The following AK9 variants were observed in gnomAD, a reference collection of about 807,000 sequenced individuals.
AK9 encodes adenylate kinase 9, also known as adenylate kinase domain containing 1.
Under a neutral mutation model 239.6 loss-of-function variants are expected in AK9, and 191 were observed. The observed-to-expected ratio is 0.80, with a 90% confidence interval of 0.71 to 0.90. The LOEUF (loss-of-function observed/expected upper bound fraction) is 0.90. Among genes scored for constraint, AK9 ranks in the 40% least tolerant of loss-of-function variants. AK9 has a pLI of 0.00. For missense variants in AK9, 1,995 were observed against 2,214.7 expected, an observed-to-expected ratio of 0.90 and a Z score of 1.99; for synonymous variants, 689 against 721.0, an observed-to-expected ratio of 0.96 and a Z score of 0.71.
chr6:109,612,188 G>A, intron 15 of AK9, 95 bp from the exon 16 acceptor site: 1 of 724,078 alleles, frequency 1.4e-6, no homozygotes, highest in South Asian at 2.1e-5. Flanking sequence ...AGGGAACCAG[G>A]ACTCACATTC....
chr6:109,498,815 A>G (rs1777320592), intron 36 of AK9, among the ~76,000 whole-genome samples: 1 of 152,262 alleles, frequency 6.6e-6, no homozygotes, highest in Non-Finnish European at 1.5e-5. Flanking sequence ...AGGCTGGCCT[A>G]GGCCAACAGC....
Position 109,493,307 on chromosome 6 carries a change from TCA to T in AK9, c.*60_*61del. 6.6e-7 allele frequency: 1 copy of T among 1,526,128 alleles called. No individual in the cohort carries two copies. Among genetic ancestry groups the T allele is most frequent in the South Asian group, 1.2e-5 (1 of 85,716 alleles). The allele number at this position is 1,526,128 out of a possible 1,614,324, so 94.5% of individuals were successfully genotyped here. A position where few individuals can be genotyped will look rare whatever the true frequency, so the allele number is the denominator to read the frequency against. On this transcript the variant is annotated 3_prime_UTR_variant, in exon 41 of 41. Coordinates refer to ENST00000424296, the MANE Select transcript of AK9 (RefSeq NM_001145128.3). ...GGCCCAGATTTTCAATCTACTTCTC[TCA>T]GTTTCCCTCTATCACTTTCAGATAA...
chr6:109,556,294 A>G (rs1284879011), intron 24 of AK9, among the ~76,000 whole-genome samples: 2 of 152,134 alleles, frequency 1.3e-5, no homozygotes, highest in Non-Finnish European at 2.9e-5. Flanking sequence ...CTGGATATGA[A>G]ATTCTGGGTT....
chr6:109,536,424 G>T (rs141456413), intron 27 of AK9, among the ~76,000 whole-genome samples: 2,231 of 152,306 alleles, frequency 0.015, 55 homozygotes, highest in African/African-American at 0.051. Context: ...TGGTGTATAA[G>T]AATGCCTGTG....
At chr6:109,557,426 G>A (rs558726849) in intron 24 of AK9, among the ~76,000 whole-genome samples, 1 of 152,252 alleles carries the variant, frequency 6.6e-6, no homozygotes, top group Non-Finnish European at 1.5e-5. Flanking sequence ...GATCGCTCCT[G>A]TATAGAATGT....
chr6:109,599,398 T>G (rs1791576000), intron 17 of AK9, among the ~76,000 whole-genome samples: 1 of 152,224 alleles, frequency 6.6e-6, no homozygotes, highest in South Asian at 2.1e-4. Context: ...TGTGTGGTAT[T>G]ATTTCTGAGG....
chr6:109,647,681 G>T (rs1241023346), intron 8 of AK9, among the ~76,000 whole-genome samples: 1 of 152,072 alleles, frequency 6.6e-6, no homozygotes, highest in Non-Finnish European at 1.5e-5. Context: ...ACAGATCAAC[G>T]AGACAGAAAG....
intron 1 of AK9, among the ~76,000 whole-genome samples, chr6:109,685,578 G>A (rs188656011): frequency 2.6e-5 from 4 of 152,002 alleles, no homozygotes; most frequent in African/African-American, 4.8e-5. Flanking sequence ...GGGGCCTTTC[G>A]GGGGTGGGGG....
chr6:109,636,415 T>C (rs1337529881), intron 10 of AK9, among the ~76,000 whole-genome samples: 1 of 152,060 alleles, frequency 6.6e-6, no homozygotes, highest in Non-Finnish European at 1.5e-5. Flanking sequence ...ACACATCCCA[T>C]AAAATTTGTT....
At chr6:109,677,232 G>A (rs1057182150) in intron 1 of AK9, among the ~76,000 whole-genome samples, 3 of 151,920 alleles carry the variant, frequency 2.0e-5, no homozygotes, top group Non-Finnish European at 2.9e-5. Flanking sequence ...CATGTACCCC[G>A]AACCTAAAAG....
intron 29 of AK9, among the ~76,000 whole-genome samples, chr6:109,516,986 T>C (rs185908302): frequency 1.3e-5 from 2 of 152,302 alleles, no homozygotes; most frequent in East Asian, 3.9e-4. Flanking sequence ...TTGCAACTTC[T>C]GCGTTCCTTC....
At chr6:109,599,924 T>A (rs1791667527) in intron 17 of AK9, among the ~76,000 whole-genome samples, 1 of 152,242 alleles carries the variant, frequency 6.6e-6, no homozygotes, top group South Asian at 2.1e-4. Context: ...GCACATTGAT[T>A]TTGTATACTG....
At chr6:109,521,744 C>A (rs1201991960) in intron 29 of AK9, among the ~76,000 whole-genome samples, 1 of 152,066 alleles carries the variant, frequency 6.6e-6, no homozygotes, top group East Asian at 1.9e-4. Context: ...AAGAAACATG[C>A]ACTATTCTAA....
chr6:109,668,346 T>G (rs146684792), intron 5 of AK9, among the ~76,000 whole-genome samples: 87,461 of 151,408 alleles, frequency 0.58, 27,055 homozygotes, highest in South Asian at 0.84. Flanking sequence ...ATTCTGTAGG[T>G]TGCCTGTTCA....
intron 29 of AK9, chr6:109,528,259 T>G (rs1325189437): frequency 2.4e-5 from 8 of 338,854 alleles, no homozygotes; most frequent in African/African-American, 1.5e-4. Flanking sequence ...GGACATCTTT[T>G]TGATCCTAAA....
intron 12 of AK9, among the ~76,000 whole-genome samples, chr6:109,629,635 AT>A (rs992623558): frequency 5.8e-4 from 86 of 148,014 alleles, no homozygotes; most frequent in Middle Eastern, 3.5e-3. Context: ...TATTTGAAAA[AT>A]TTTTTTTTTT....
intron 8 of AK9, among the ~76,000 whole-genome samples, chr6:109,653,108 G>C (rs1032497498): frequency 6.6e-6 from 1 of 152,066 alleles, no homozygotes; most frequent in Non-Finnish European, 1.5e-5. Flanking sequence ...TGTATTTTTA[G>C]TAGAGAGGCG....
chr6:109,575,325 A>G (rs1029136538), intron 20 of AK9, among the ~76,000 whole-genome samples: 4 of 152,178 alleles, frequency 2.6e-5, no homozygotes, highest in Non-Finnish European at 5.9e-5. Flanking sequence ...CTTTCATCAC[A>G]TCCATGCCAA....
chr6:109,515,838 G>T lies in AK9; in HGVS notation c.4065+19C>A, dbSNP rs1000577163. 25 of 1,517,932 alleles carry T rather than the reference G, an allele frequency of 1.6e-5. No individual in the cohort carries two copies. The Middle Eastern group carries it at 5.1e-4, about 31-fold the overall frequency. The allele number at this position is 1,517,932 out of a possible 1,614,324, so 94.0% of individuals were successfully genotyped here. A position where few individuals can be genotyped will look rare whatever the true frequency, so the allele number is the denominator to read the frequency against. On this transcript the variant is annotated intron_variant, in intron 31 of 40. Coordinates refer to ENST00000424296, the MANE Select transcript of AK9 (RefSeq NM_001145128.3). ...AATAAATAAGGAACATGGCTTTCAG[G>T]TGCGTTTGCTGAAATTACCTTTACA...
Sources: gnomAD v4.1 joint callset for allele counts (sites outside exome capture counted in the v4.1 genomes callset) on GRCh38, gnomAD v4.1.1 for gene constraint, MANE v1.5 for transcripts, NCBI Gene and HGNC (gene_info 2026-07-23, HGNC 2026-07-21) for gene names.